Variants in SCN7A observed in about 807,000 individuals in gnomAD.
The protein encoded by SCN7A is sodium voltage-gated channel alpha subunit 7, also known as sodium channel protein type 7 subunit alpha.
Under a neutral mutation model 155.2 loss-of-function variants are expected in SCN7A, and 138 were observed. The ratio of observed to expected loss-of-function variants is 0.89; its 90% CI spans 0.77 to 1.02. The LOEUF (loss-of-function observed/expected upper bound fraction) is 1.02, where lower values mean the gene tolerates loss of function less well. Among genes scored for constraint, SCN7A ranks in the 50% least tolerant of loss-of-function variants. The pLI is 0.00. For synonymous variants in SCN7A, 693 were observed against 649.0 expected, an observed-to-expected ratio of 1.07 and a Z score of -1.03; for missense variants, 2,058 against 1,986.6, an observed-to-expected ratio of 1.04 and a Z score of -0.68.
At chr2:166,414,291 C>CATATATATATAT (rs1289665485) in intron 21 of SCN7A, among the ~76,000 whole-genome samples, 1,261 of 42,672 alleles carry the variant, frequency 0.03, 58 homozygotes, top group Middle Eastern at 0.042. Flanking sequence ...TATATACACA[C>CATATATATATAT]ACATATATAT....
intron 11 of SCN7A, among the ~76,000 whole-genome samples, chr2:166,456,636 C>T (rs1318458618): frequency 1.3e-5 from 2 of 151,946 alleles, no homozygotes; most frequent in East Asian, 3.9e-4. Flanking sequence ...ACCCACTGGA[C>T]AATAACAAAT....
chr2:166,478,262 C>A (rs1702844692), intron 2 of SCN7A, among the ~76,000 whole-genome samples: 2 of 150,782 alleles, frequency 1.3e-5, no homozygotes, highest in African/African-American at 2.4e-5. Context: ...AACAAACCTA[C>A]ACGTTGTGCA....
intron 2 of SCN7A, among the ~76,000 whole-genome samples, chr2:166,484,316 T>C (rs1011986394): frequency 6.6e-6 from 1 of 151,848 alleles, no homozygotes; most frequent in African/African-American, 2.4e-5. Context: ...AATATAAATC[T>C]GGAGGTAAAT....
intron 20 of SCN7A, among the ~76,000 whole-genome samples, chr2:166,417,193 G>C (rs1244224666): frequency 6.6e-6 from 1 of 152,122 alleles, no homozygotes; most frequent in Non-Finnish European, 1.5e-5. Flanking sequence ...CTCAAATCAG[G>C]CTGGGCGTGG....
chr2:166,443,530 T>G lies in SCN7A; in HGVS notation c.1773A>C (p.Gly591=), dbSNP rs1702002220. Residue 591 remains glycine (G), a synonymous_variant, in exon 14 of 26, where the codon GGA becomes GGC. Coordinates refer to ENST00000643258, the MANE Select transcript of SCN7A (RefSeq NM_002976.4). ...LIELCLANVA[G]MALLRLFRML... is the part of the protein sequence containing the mutation. ...TCCTGAATAATCGAAGAAGAGCCAT[T>G]CCTGCAACATTTGCTAGACAAAGTT... is the stretch of plus-strand genomic sequence containing the variant. 6.3e-7 allele frequency: 1 copy of G among 1,595,386 alleles called. No individual in the cohort carries two copies. Among genetic ancestry groups the G allele is most frequent in the Non-Finnish European group, 8.5e-7 (1 of 1,171,466 alleles).
In SCN7A at chr2:166,433,841, C is replaced by T. The variant is rs768103944; in HGVS notation, c.2158-1089G>A. Among the ~76,000 whole-genome samples the T allele has an allele frequency of 1.6e-4, 25 of 152,050 alleles. 1 individual carries two copies. The highest frequency in any genetic ancestry group is 6.6e-5 in the Admixed American group (1 of 15,230). On this transcript the variant is annotated intron_variant, in intron 15 of 25. Transcript: ENST00000643258. Reference sequence around the variant, plus strand: ...GATTATCTGCTGTAGTAAATTTGGTCAAATAAGAAACAGATGAGTGATGGA... The same window carrying T: ...GATTATCTGCTGTAGTAAATTTGGTTAAATAAGAAACAGATGAGTGATGGA...
chr2:166,408,698 A>C (rs973014076), intron 25 of SCN7A, among the ~76,000 whole-genome samples: 1 of 152,002 alleles, frequency 6.6e-6, no homozygotes, highest in African/African-American at 2.4e-5. Context: ...CTATCAACTG[A>C]ATGAGTGAAT....
At position 166,432,545 on chromosome 2, in the gene SCN7A, C is replaced by A; in HGVS notation, c.2365G>T (p.Asp789Tyr). Residue 789 changes from aspartate (D) to tyrosine (Y), a missense_variant, in exon 16 of 26, where the codon GAT (aspartate) becomes TAT (tyrosine). Asp to Tyr is a radical substitution (Grantham distance 160). Transcript: ENST00000643258. ...DHVNEVYVKE[D>Y]ISDHTLSELS... Reference sequence around the variant, plus strand: ...TCAGAAAGGGTATGGTCAGAAATATCTTCTTTAACATATACCTCATTTACA... The same window carrying A: ...TCAGAAAGGGTATGGTCAGAAATATATTCTTTAACATATACCTCATTTACA... 3 of 1,613,476 alleles carry A rather than the reference C, an allele frequency of 1.9e-6. No individual in the cohort carries two copies. The highest frequency in any genetic ancestry group is 1.1e-5 in the South Asian group (1 of 91,066).
intron 15 of SCN7A, among the ~76,000 whole-genome samples, chr2:166,433,672 T>G (rs185976043): frequency 1.8e-3 from 270 of 152,208 alleles, no homozygotes; most frequent in Non-Finnish European, 2.6e-3. Flanking sequence ...GGCAGCTCAC[T>G]TCCCTTCAGC....
At chr2:166,490,888 G>A (rs1391537701) in intron 1 of SCN7A, among the ~76,000 whole-genome samples, 1 of 152,180 alleles carries the variant, frequency 6.6e-6, no homozygotes, top group East Asian at 1.9e-4. Context: ...AAATTAGAGA[G>A]AAACTAGAAA....
chr2:166,487,211 T>C (rs200917036), intron 1 of SCN7A, among the ~76,000 whole-genome samples: 2 of 152,290 alleles, frequency 1.3e-5, no homozygotes, highest in East Asian at 3.9e-4. Flanking sequence ...CTTTTTCCTT[T>C]TCAGAAACAT....
At chr2:166,437,133 G>A (rs577392576) in intron 15 of SCN7A, among the ~76,000 whole-genome samples, 549 of 152,326 alleles carry the variant, frequency 3.6e-3, no homozygotes, top group Non-Finnish European at 5.1e-3. Context: ...ACAGGGCATA[G>A]GCCTAGGAGG....
intron 6 of SCN7A, among the ~76,000 whole-genome samples, chr2:166,471,726 G>A (rs76198396): frequency 5.1e-5 from 1 of 19,720 alleles, no homozygotes. Context: ...CAGAAAATGT[G>A]GGGGGGGGGG....
Position 166,456,942 on chromosome 2 carries a change from T to C in SCN7A, c.1218A>G (p.Glu406=), listed in dbSNP as rs780422227. ...ATTTTGGTTCAATCTTCTTAGATAT[T>C]TCACCAACTCTCTGCTTTTCTTCTT... ...AYEEEKQRVG[E]ISKKIEPKFQ... is the part of the protein sequence containing the mutation. Residue 406 remains glutamate, a synonymous_variant, in exon 11 of 26, where the codon GAA becomes GAG. Transcript: ENST00000643258. The C allele has an allele frequency of 6.3e-6, 10 of 1,582,134 alleles. No individual in the cohort carries two copies. In the Middle Eastern group the frequency reaches 5.0e-4, roughly 79 times the overall value.
chr2:166,465,495 T>C lies in SCN7A; in HGVS notation c.908A>G (p.Tyr303Cys). Residue 303 changes from tyrosine to cysteine, a missense_variant, in exon 9 of 26, where the codon TAT becomes TGT. Physicochemically the swap from Tyr to Cys is radical, Grantham distance 194. Transcript: ENST00000643258. ...TGTCCTGTTGCCACAAAGGAGAGCA[T>C]ATCTTTCTCCTTCCAAATAATAAAA... ...ENFYYLEGER[Y>C]ALLCGNRTDA... The C allele has an allele frequency of 6.2e-7, 1 of 1,609,696 alleles. No individual in the cohort carries two copies.
At chr2:166,428,700 G>A (rs915434026) in intron 17 of SCN7A, among the ~76,000 whole-genome samples, 1 of 151,986 alleles carries the variant, frequency 6.6e-6, no homozygotes, top group Middle Eastern at 3.2e-3. Flanking sequence ...TGTGGCAGTG[G>A]AATATTATTA....
intron 22 of SCN7A, 143 bp from the exon 23 acceptor site, chr2:166,412,810 G>A: frequency 1.6e-6 from 2 of 1,278,582 alleles, no homozygotes; most frequent in Non-Finnish European, 2.1e-6. Flanking sequence ...TTTGGTAAAA[G>A]GATATCATTG....
At chr2:166,488,699 G>C (rs1356734635) in intron 1 of SCN7A, among the ~76,000 whole-genome samples, 1 of 151,266 alleles carries the variant, frequency 6.6e-6, no homozygotes, top group East Asian at 1.9e-4. Flanking sequence ...GAGCAGCGGT[G>C]TAACCTTGGC....
chr2:166,406,646 C>A lies in SCN7A; in HGVS notation c.3983G>T (p.Gly1328Val). 1 of 1,583,772 alleles carries A rather than the reference C, an allele frequency of 6.3e-7. No individual in the cohort carries two copies. The highest frequency in any genetic ancestry group is 1.2e-5 in the South Asian group (1 of 86,528). Residue 1328 changes from glycine to valine, a missense_variant and splice_region_variant, in exon 26 of 26, where the codon GGA (glycine) becomes GTA (valine). By Grantham distance (109) the Gly-to-Val change is moderately radical (BLOSUM62 -3). Coordinates refer to ENST00000643258, the MANE Select transcript of SCN7A (RefSeq NM_002976.4). The part of the protein sequence containing the change: ...DFMVVIFSIT[G>V]LCLPMTVGSY... The stretch of plus-strand genomic sequence containing the variant: ...TCCTACTGTCATAGGCAGACATAGT[C>A]CTGGGGGTGGGAAAGATAAAGCAGG...
Sources: allele counts gnomAD v4.1 joint callset (sites outside exome capture counted in the v4.1 genomes callset), GRCh38; gene constraint gnomAD v4.1.1; transcripts MANE v1.5; gene names NCBI Gene and HGNC (gene_info 2026-07-23, HGNC 2026-07-21).